NELL2: variants seen among roughly 807,000 people sequenced by gnomAD.
NELL2 encodes the protein neural EGFL like 2, also known as protein kinase C-binding protein NELL2.
In NELL2, 41 loss-of-function variants were observed where a neutral mutation model predicts 109.6. The ratio of observed to expected loss-of-function variants is 0.37; its 90% CI spans 0.29 to 0.49. NELL2 has a LOEUF of 0.49. Ranked by LOEUF, NELL2 falls within the 20% of genes least tolerant of loss-of-function variation. The pLI is 0.98. For missense variants in NELL2, 900 were observed against 1,008.3 expected (o/e 0.89, Z 1.45); for synonymous variants, 355 against 344.7 (o/e 1.03, Z -0.33).
chr12:44,554,317 A>G (rs1943155679), intron 15 of NELL2, among the ~76,000 whole-genome samples: 1 of 152,220 alleles, frequency 6.6e-6, no homozygotes, highest in Non-Finnish European at 1.5e-5. Context: ...ATTAGAGATC[A>G]TGGTGAGAAT....
chr12:44,913,689 A>G, intron 1 of NELL2: 1 of 464,536 alleles, frequency 2.2e-6, no homozygotes, highest in South Asian at 2.3e-5. Flanking sequence ...AATATGATTC[A>G]CATCAAAACC....
chr12:44,780,592 C>CCA (rs1045440251), intron 3 of NELL2, among the ~76,000 whole-genome samples: 16 of 151,876 alleles, frequency 1.1e-4, no homozygotes, highest in Non-Finnish European at 2.1e-4. Context: ...ATGAGGCCCC[C>CCA]CACAGCACTA....
At chr12:44,806,124 A>G in intron 3 of NELL2, among the ~76,000 whole-genome samples, 1 of 151,930 alleles carries the variant, frequency 6.6e-6, no homozygotes, top group Admixed American at 6.6e-5. Context: ...TAAAAAAACC[A>G]TAAAAACTTA....
chr12:44,745,463 G>A (rs1940284359), intron 9 of NELL2, among the ~76,000 whole-genome samples: 1 of 152,032 alleles, frequency 6.6e-6, no homozygotes, highest in African/African-American at 2.4e-5. Flanking sequence ...CAGTCAGGCA[G>A]GAGAAGGAAA....
At chr12:44,728,523 G>A (rs562658748) in intron 9 of NELL2, among the ~76,000 whole-genome samples, 10 of 152,064 alleles carry the variant, frequency 6.6e-5, no homozygotes, top group Non-Finnish European at 1.5e-4. Flanking sequence ...ATGCATTTGG[G>A]GGTCCAGAAA....
At chr12:44,740,160 T>G (rs1939874622) in intron 9 of NELL2, among the ~76,000 whole-genome samples, 1 of 152,176 alleles carries the variant, frequency 6.6e-6, no homozygotes, top group Non-Finnish European at 1.5e-5. Context: ...GTTATGGGCG[T>G]GTGACCCAAT....
chr12:44,863,928 A>G (rs1042576442), intron 2 of NELL2, among the ~76,000 whole-genome samples: 3 of 152,202 alleles, frequency 2.0e-5, no homozygotes, highest in Non-Finnish European at 4.4e-5. Context: ...GTAGGCAGGG[A>G]GTTGGCTGTA....
chr12:44,743,016 G>A (rs1322021912), intron 9 of NELL2, among the ~76,000 whole-genome samples: 1 of 152,104 alleles, frequency 6.6e-6, no homozygotes, highest in Non-Finnish European at 1.5e-5. Flanking sequence ...CACCAAAGTT[G>A]AAATGAAGGA....
At chr12:44,767,702 A>G (rs976023710) in intron 9 of NELL2, among the ~76,000 whole-genome samples, 8 of 152,208 alleles carry the variant, frequency 5.3e-5, no homozygotes, top group Non-Finnish European at 1.0e-4. Flanking sequence ...ATTTTTATTT[A>G]ATATGAAAAT....
At chr12:44,543,810 C>T (rs920163118) in intron 15 of NELL2, among the ~76,000 whole-genome samples, 3 of 152,100 alleles carry the variant, frequency 2.0e-5, no homozygotes, top group African/African-American at 7.2e-5. Flanking sequence ...TGCAAATCCT[C>T]TGGCTGCAAC....
At chr12:44,734,026 T>C (rs560470009) in intron 9 of NELL2, among the ~76,000 whole-genome samples, 3 of 152,146 alleles carry the variant, frequency 2.0e-5, no homozygotes, top group South Asian at 2.1e-4. Context: ...GGTTTGGACA[T>C]TTAATCACAT....
chr12:44,655,715 A>G (rs1947475668), intron 13 of NELL2, among the ~76,000 whole-genome samples: 1 of 152,110 alleles, frequency 6.6e-6, no homozygotes, highest in South Asian at 2.1e-4. Context: ...ATAGTTTTTC[A>G]TCATTAATTC....
At chr12:44,659,723 A>C (rs975893318) in intron 13 of NELL2, among the ~76,000 whole-genome samples, 5 of 152,236 alleles carry the variant, frequency 3.3e-5, no homozygotes, top group African/African-American at 4.8e-5. Flanking sequence ...CAATGCTATA[A>C]AAAGTTAAGT....
intron 3 of NELL2, among the ~76,000 whole-genome samples, chr12:44,805,892 T>C (rs1455529918): frequency 6.6e-6 from 1 of 151,880 alleles, no homozygotes; most frequent in African/African-American, 2.4e-5. Context: ...TTTTCTTAAA[T>C]GCAGTAATTG....
chr12:44,658,572 C>T (rs541852070), intron 13 of NELL2, among the ~76,000 whole-genome samples: 1 of 152,088 alleles, frequency 6.6e-6, no homozygotes, highest in Non-Finnish European at 1.5e-5. Context: ...ACTTTCTTCA[C>T]AGAATTAGAA....
chr12:44,694,882 A>T (rs1319710985), intron 12 of NELL2, among the ~76,000 whole-genome samples: 1 of 152,178 alleles, frequency 6.6e-6, no homozygotes, highest in African/African-American at 2.4e-5. Context: ...TCTTACTCTT[A>T]AAGGAATCCT....
chr12:44,884,181 T>C (rs1037777258), intron 1 of NELL2, among the ~76,000 whole-genome samples: 36 of 152,004 alleles, frequency 2.4e-4, no homozygotes, highest in African/African-American at 6.8e-4. Context: ...GAATGTCATA[T>C]GTGAATGTCA....
chr12:44,608,822 T>C (rs755296475), intron 14 of NELL2, among the ~76,000 whole-genome samples: 3 of 151,626 alleles, frequency 2.0e-5, no homozygotes, highest in Non-Finnish European at 4.4e-5. Flanking sequence ...TCTCCGCTCA[T>C]GCATTGGAAA....
rs182109446 is a variant in NELL2, at chr12:44,572,709, G to A, written c.1663+34460C>T. ...AGTTTAGACGGTAGAATGAACAACA[G>A]CACATATTCTAGCAAAAACATCAAA... On this transcript the variant is annotated intron_variant, in intron 15 of 19. Coordinates refer to ENST00000429094, the MANE Select transcript of NELL2 (RefSeq NM_001145108.2). Among the ~76,000 whole-genome samples the A allele has an allele frequency of 8.0e-3, 1,210 of 152,196 alleles. 9 individuals carry two copies. The highest frequency in any genetic ancestry group is 0.014 in the Non-Finnish European group (940 of 68,018).
Sources: allele counts gnomAD v4.1 joint callset (sites outside exome capture counted in the v4.1 genomes callset), GRCh38; gene constraint gnomAD v4.1.1; transcripts MANE v1.5; gene names NCBI Gene and HGNC (gene_info 2026-07-23, HGNC 2026-07-21).